IQCM: variants seen among roughly 807,000 people sequenced by gnomAD.
IQCM encodes IQ domain-containing protein M.
A neutral mutation model predicts 57.6 loss-of-function variants in IQCM; 45 were observed. That is an observed-to-expected ratio of 0.78 (90% CI 0.62 to 1.00). The LOEUF (loss-of-function observed/expected upper bound fraction) is 1.00. IQCM is among the 50% of genes least tolerant of loss of function. The probability of loss-of-function intolerance (pLI) is 0.00; values close to 1 mark genes in which losing one functional copy is unlikely to be tolerated. For synonymous variants in IQCM, 148 were observed against 158.9 expected (o/e 0.93, Z 0.51); for missense variants, 468 against 511.6 (o/e 0.91, Z 0.82).
At chr4:149,641,148 T>C (rs1229929202) in intron 7 of IQCM, among the ~76,000 whole-genome samples, 1 of 152,180 alleles carries the variant, frequency 6.6e-6, no homozygotes, top group Non-Finnish European at 1.5e-5. Flanking sequence ...GTTCTCATTT[T>C]AATTGATGCT....
intron 2 of IQCM, among the ~76,000 whole-genome samples, chr4:149,789,703 G>T (rs553983440): frequency 9.9e-5 from 15 of 152,098 alleles, no homozygotes; most frequent in African/African-American, 2.9e-4. Flanking sequence ...AGCCCAGAAG[G>T]CAGAGGTTGC....
intron 9 of IQCM, among the ~76,000 whole-genome samples, chr4:149,582,772 G>T (rs1752327442): frequency 2.6e-5 from 4 of 151,542 alleles, no homozygotes; most frequent in Admixed American, 2.6e-4. Flanking sequence ...TGACCCAGAA[G>T]AATCAATTGA....
chr4:149,741,842 G>A (rs181228060), intron 3 of IQCM, among the ~76,000 whole-genome samples: 2 of 152,264 alleles, frequency 1.3e-5, no homozygotes, highest in Admixed American at 1.3e-4. Flanking sequence ...AGCTAACTAT[G>A]TGAAGTAATG....
At chr4:149,455,626 T>C (rs796814262) in intron 12 of IQCM, among the ~76,000 whole-genome samples, 41 of 151,910 alleles carry the variant, frequency 2.7e-4, no homozygotes, top group African/African-American at 9.2e-4. Context: ...ATTGCTGGAG[T>C]GGTATTTTGT....
intron 9 of IQCM, among the ~76,000 whole-genome samples, chr4:149,573,225 T>A (rs896373608): frequency 2.0e-5 from 3 of 151,012 alleles, no homozygotes; most frequent in Admixed American, 6.6e-5. Context: ...TTGTAACTTT[T>A]AAAAATGTAT....
rs182569056 is a variant in IQCM, at chr4:149,447,181, T to C, written c.1229-13624A>G. On this transcript the variant is annotated intron_variant, in intron 12 of 13. Transcript: ENST00000636793. The stretch of plus-strand genomic sequence containing the variant: ...AGAAGAATGAACCACGTAAGGTAGG[T>C]TTGTAAGAAATTTCTTTCATAGAAA... 8.6e-5 allele frequency among the ~76,000 whole-genome samples: 13 copies of C among 151,606 alleles called. No individual in the cohort carries two copies. The East Asian group carries it at 2.5e-3, about 29-fold the overall frequency.
At chr4:149,386,765 G>A (rs1731456898) in intron 13 of IQCM, among the ~76,000 whole-genome samples, 1 of 151,804 alleles carries the variant, frequency 6.6e-6, no homozygotes, top group Admixed American at 6.6e-5. Context: ...AAGAAATTGG[G>A]TCAGGTGTTC....
chr4:149,497,248 A>T (rs1451947199), intron 12 of IQCM, among the ~76,000 whole-genome samples: 1 of 152,110 alleles, frequency 6.6e-6, no homozygotes, highest in Non-Finnish European at 1.5e-5. Context: ...GGGCCTAAGA[A>T]GGTCTCTCAG....
rs78521010 is a variant in IQCM, at chr4:149,375,009, T to A, written c.1391-22943A>T. ...TGTGTGTGTGTGTGTTGTGTGTGTG[T>A]GATGTTCTTTATTAGCAAAATTTAA... On this transcript the variant is annotated intron_variant, in intron 13 of 13. Transcript: ENST00000636793. Among the ~76,000 whole-genome samples, 258 of 151,200 alleles carry A rather than the reference T, an allele frequency of 1.7e-3. 1 individual carries two copies. The highest frequency in any genetic ancestry group is 5.0e-3 in the South Asian group (24 of 4,764).
intron 2 of IQCM, among the ~76,000 whole-genome samples, chr4:149,791,713 T>A (rs933741206): frequency 6.6e-6 from 1 of 152,176 alleles, no homozygotes; most frequent in Non-Finnish European, 1.5e-5. Context: ...ATAAGTAACA[T>A]AACCATACTT....
intron 12 of IQCM, among the ~76,000 whole-genome samples, chr4:149,462,007 G>GT (rs1388342771): frequency 6.6e-6 from 1 of 151,994 alleles, no homozygotes. Flanking sequence ...TAAAAATCAG[G>GT]TGCTTTTACA....
chr4:149,490,325 A>G (rs1036526763), intron 12 of IQCM, among the ~76,000 whole-genome samples: 1 of 152,094 alleles, frequency 6.6e-6, no homozygotes, highest in Non-Finnish European at 1.5e-5. Context: ...AACAATGATC[A>G]TAACAACCAT....
At chr4:149,635,048 T>C (rs1341525542) in intron 7 of IQCM, among the ~76,000 whole-genome samples, 4 of 152,224 alleles carry the variant, frequency 2.6e-5, no homozygotes, top group African/African-American at 9.6e-5. Context: ...TTTTTTACTT[T>C]ATTCCAAAAT....
At chr4:149,489,312 A>G (rs1741846874) in intron 12 of IQCM, among the ~76,000 whole-genome samples, 1 of 152,102 alleles carries the variant, frequency 6.6e-6, no homozygotes, top group African/African-American at 2.4e-5. Flanking sequence ...TGGAAGACAG[A>G]ATGCTGTTTT....
chr4:149,602,387 C>T (rs924763812), intron 8 of IQCM, among the ~76,000 whole-genome samples: 1 of 152,058 alleles, frequency 6.6e-6, no homozygotes, highest in African/African-American at 2.4e-5. Flanking sequence ...TTTCATAGTA[C>T]CCTCTTTATT....
At chr4:149,387,497 T>C (rs1731505750) in intron 13 of IQCM, among the ~76,000 whole-genome samples, 1 of 152,064 alleles carries the variant, frequency 6.6e-6, no homozygotes, top group Non-Finnish European at 1.5e-5. Flanking sequence ...TACAAAATGG[T>C]GATTTTTCTA....
At chr4:149,361,065 G>C (rs1297852183) in intron 13 of IQCM, among the ~76,000 whole-genome samples, 1 of 152,184 alleles carries the variant, frequency 6.6e-6, no homozygotes, top group Non-Finnish European at 1.5e-5. Flanking sequence ...TTGGGAACTG[G>C]AGTAAAGGTG....
intron 7 of IQCM, among the ~76,000 whole-genome samples, chr4:149,661,025 A>C (rs1035865621): frequency 2.6e-5 from 4 of 152,146 alleles, no homozygotes; most frequent in African/African-American, 9.7e-5. Flanking sequence ...AAATAAAAAA[A>C]TAAAGATAAA....
intron 9 of IQCM, among the ~76,000 whole-genome samples, chr4:149,571,386 A>T (rs1751143865): frequency 6.6e-6 from 1 of 152,150 alleles, no homozygotes; most frequent in South Asian, 2.1e-4. Flanking sequence ...GAAATATGCC[A>T]GATACAGAAA....
Sources: gnomAD v4.1 joint callset for allele counts (sites outside exome capture counted in the v4.1 genomes callset) on GRCh38, gnomAD v4.1.1 for gene constraint, MANE v1.5 for transcripts, NCBI Gene and HGNC (gene_info 2026-07-23, HGNC 2026-07-21) for gene names.